Variants in PPFIA2 observed in about 807,000 individuals in gnomAD.
PPFIA2 encodes liprin-alpha-2.
Under a neutral mutation model 175.5 loss-of-function variants are expected in PPFIA2, and 46 were observed. The observed-to-expected ratio is 0.26, with a 90% confidence interval of 0.21 to 0.34. The LOEUF (loss-of-function observed/expected upper bound fraction) is 0.34. Ranked by LOEUF, PPFIA2 falls within the 10% of genes least tolerant of loss-of-function variation. PPFIA2 has a pLI of 1.00. For synonymous variants in PPFIA2, 568 were observed against 511.4 expected (o/e 1.11, Z -1.49); for missense variants, 1,179 against 1,506.1 (o/e 0.78, Z 3.60).
At chr12:81,622,110 T>C (rs1165566975) in intron 4 of PPFIA2, among the ~76,000 whole-genome samples, 3 of 152,184 alleles carry the variant, frequency 2.0e-5, no homozygotes, top group African/African-American at 7.2e-5. Context: ...TTTAGGCTCC[T>C]GACTGAAGCA....
chr12:81,332,396 C>T (rs569425198), intron 21 of PPFIA2, among the ~76,000 whole-genome samples: 1 of 151,992 alleles, frequency 6.6e-6, no homozygotes, highest in African/African-American at 2.4e-5. Flanking sequence ...GTTTCAATAC[C>T]CTTTTCTCAA....
Position 81,314,026 on chromosome 12 carries a change from T to C in PPFIA2, c.2642+11751A>G, listed in dbSNP as rs114437480. 5.1e-4 allele frequency among the ~76,000 whole-genome samples: 78 copies of C among 152,078 alleles called. 1 individual carries two copies. The highest frequency in any genetic ancestry group is 1.9e-3 in the African/African-American group (77 of 41,556). On this transcript the variant is annotated intron_variant, in intron 22 of 32. Transcript: ENST00000549396. ...CTAATATTTTTGTTATCAATTCGTATAAATTATCTGATTTCTCATAGTTTT... is the reference window on the plus strand; with the variant it reads ...CTAATATTTTTGTTATCAATTCGTACAAATTATCTGATTTCTCATAGTTTT...
chr12:81,638,677 A>AT (rs1287049321), intron 4 of PPFIA2, among the ~76,000 whole-genome samples: 6 of 97,764 alleles, frequency 6.1e-5, no homozygotes, highest in South Asian at 6.7e-4. Flanking sequence ...TTTGTCATAA[A>AT]TTTTCTTTTT....
At chr12:81,439,892 T>C (rs2049846702) in intron 7 of PPFIA2, 80 bp downstream of exon 7, 6 of 1,138,808 alleles carry the variant, frequency 5.3e-6, no homozygotes, top group Middle Eastern at 2.0e-4. Context: ...GTGACAGTTA[T>C]AATAAAAGTG....
chr12:81,340,287 A>G (rs929888513), intron 20 of PPFIA2, among the ~76,000 whole-genome samples: 3 of 152,120 alleles, frequency 2.0e-5, no homozygotes, highest in Non-Finnish European at 4.4e-5. Context: ...TACTTTTAAA[A>G]GCATTTATTG....
chr12:81,305,413 C>T (rs2048904153), intron 22 of PPFIA2, among the ~76,000 whole-genome samples: 1 of 152,048 alleles, frequency 6.6e-6, no homozygotes. Flanking sequence ...TATATAACTC[C>T]AATTTCTATA....
At chr12:81,272,415 T>C (rs896403950) in intron 28 of PPFIA2, among the ~76,000 whole-genome samples, 1 of 152,212 alleles carries the variant, frequency 6.6e-6, no homozygotes, top group African/African-American at 2.4e-5. Flanking sequence ...GGGCTAGATG[T>C]TTTCAAGTGA....
chr12:81,296,226 C>A (rs1020458038), intron 23 of PPFIA2, among the ~76,000 whole-genome samples: 1 of 151,106 alleles, frequency 6.6e-6, no homozygotes, highest in South Asian at 2.1e-4. Context: ...GGCTGAGGCA[C>A]GAGAATTGCT....
intron 4 of PPFIA2, among the ~76,000 whole-genome samples, chr12:81,615,631 GACTGAGA>G (rs2061364414): frequency 1.3e-5 from 2 of 152,232 alleles, no homozygotes; most frequent in South Asian, 4.1e-4. Context: ...CTAAGATGAG[GACTGAGA>G]ACTGACCATC....
At chr12:81,282,968 A>T in intron 26 of PPFIA2, 42 bp downstream of exon 26, 2 of 1,551,740 alleles carry the variant, frequency 1.3e-6, no homozygotes, top group Non-Finnish European at 1.8e-6. Flanking sequence ...CTCATTGCCT[A>T]CTAAATGATA....
At chr12:81,547,289 C>G (rs1248851909) in intron 4 of PPFIA2, among the ~76,000 whole-genome samples, 1 of 151,946 alleles carries the variant, frequency 6.6e-6, no homozygotes, top group African/African-American at 2.4e-5. Context: ...AAAAGTCGAG[C>G]CTCAATCTCT....
At position 81,281,399 on chromosome 12, in the gene PPFIA2, T is replaced by A; in HGVS notation, c.3070A>T (p.Ile1024Phe). ...AAGCTGGGAAGCCATTCATTTCCAA[T>A]CCACTCATGATTCATATCTCCATAA... ...LAYGDMNHEW[I>F]GNEWLPSLGL... The change falls in exon 27 of 33, where the codon ATT becomes TTT. Residue 1024 changes from isoleucine to phenylalanine, a missense_variant. Ile to Phe is a conservative substitution (Grantham distance 21). Coordinates refer to ENST00000549396, the MANE Select transcript of PPFIA2 (RefSeq NM_003625.5). 2 of 1,611,970 alleles carry A rather than the reference T, an allele frequency of 1.2e-6. No individual in the cohort carries two copies. The highest frequency in any genetic ancestry group is 1.7e-6 in the Non-Finnish European group (2 of 1,178,408).
intron 4 of PPFIA2, among the ~76,000 whole-genome samples, chr12:81,502,968 T>A (rs2060748669): frequency 6.6e-6 from 1 of 152,114 alleles, no homozygotes; most frequent in Non-Finnish European, 1.5e-5. Flanking sequence ...AAGCCGTATG[T>A]CTATGGAAAT....
chr12:81,262,639 A>G (rs180760193), intron 31 of PPFIA2, among the ~76,000 whole-genome samples: 2 of 152,332 alleles, frequency 1.3e-5, no homozygotes, highest in African/African-American at 4.8e-5. Flanking sequence ...CTCCTCTGGA[A>G]TGACTTTTCT....
chr12:81,647,904 A>G (rs1361100075), intron 4 of PPFIA2, among the ~76,000 whole-genome samples: 1 of 144,848 alleles, frequency 6.9e-6, no homozygotes, highest in African/African-American at 2.5e-5. Context: ...TGAAGACATC[A>G]TCAAGAGAAA....
At chr12:81,371,912 C>CACACACACACACAA (rs750764355) in intron 11 of PPFIA2, among the ~76,000 whole-genome samples, 1 of 111,364 alleles carries the variant, frequency 9.0e-6, no homozygotes, top group African/African-American at 4.4e-5. Context: ...CACACACAAA[C>CACACACACACACAA]ACACACACAC....
chr12:81,409,298 C>T (rs2043480030), intron 7 of PPFIA2, among the ~76,000 whole-genome samples: 1 of 152,088 alleles, frequency 6.6e-6, no homozygotes, highest in African/African-American at 2.4e-5. Context: ...AACAACATGG[C>T]CTACTTGCTA....
At chr12:81,479,410 C>A (rs1260536500) in intron 4 of PPFIA2, among the ~76,000 whole-genome samples, 5 of 152,134 alleles carry the variant, frequency 3.3e-5, no homozygotes, top group East Asian at 1.9e-4. Flanking sequence ...TTAACTGGGG[C>A]ATTTAGCCTT....
intron 3 of PPFIA2, among the ~76,000 whole-genome samples, chr12:81,702,003 C>A (rs2076548316): frequency 6.8e-6 from 1 of 147,544 alleles, no homozygotes; most frequent in East Asian, 2.0e-4. Flanking sequence ...GAAAGAGAAA[C>A]AACAGGAAGC....
Sources: gnomAD v4.1 joint callset for allele counts (sites outside exome capture counted in the v4.1 genomes callset) on GRCh38, gnomAD v4.1.1 for gene constraint, MANE v1.5 for transcripts, NCBI Gene and HGNC (gene_info 2026-07-23, HGNC 2026-07-21) for gene names.